Variants in KALRN observed in about 807,000 individuals in gnomAD.
KALRN encodes the protein kalirin RhoGEF kinase, also known as kalirin.
In KALRN, 70 loss-of-function variants were observed where a neutral mutation model predicts 353.7. The observed-to-expected ratio is 0.20, with a 90% CI of 0.16 to 0.24. The LOEUF (loss-of-function observed/expected upper bound fraction) is 0.24. KALRN is among the 10% of genes least tolerant of loss of function. KALRN has a pLI of 1.00. For synonymous variants in KALRN, 1,391 were observed against 1,434.8 expected (o/e 0.97, Z 0.69); for missense variants, 2,791 against 3,756.7 (o/e 0.74, Z 6.72).
At chr3:124,069,339 AGGAGG>A (rs1395146206) in intron 1 of KALRN, among the ~76,000 whole-genome samples, 7 of 126,702 alleles carry the variant, frequency 5.5e-5, no homozygotes, top group Middle Eastern at 4.1e-3. Context: ...GAGGAGGAGG[AGGAGG>A]AGGAGGAGGA....
intron 51 of KALRN, among the ~76,000 whole-genome samples, chr3:124,690,855 A>C (rs1035872033): frequency 6.6e-6 from 1 of 152,238 alleles, no homozygotes; most frequent in African/African-American, 2.4e-5. Flanking sequence ...ATGCCCAAAC[A>C]AAAGCAAATA....
At chr3:124,445,111 C>G (rs1261875507) in intron 19 of KALRN, among the ~76,000 whole-genome samples, 1 of 152,156 alleles carries the variant, frequency 6.6e-6, no homozygotes, top group African/African-American at 2.4e-5. Context: ...TCTGCCCTTT[C>G]CTATCTGAAC....
intron 1 of KALRN, among the ~76,000 whole-genome samples, chr3:124,078,489 G>A (rs1482245475): frequency 6.6e-6 from 1 of 152,158 alleles, no homozygotes; most frequent in Non-Finnish European, 1.5e-5. Context: ...GGGGAAACAG[G>A]CTGGTAGAGT....
intron 34 of KALRN, among the ~76,000 whole-genome samples, chr3:124,607,002 G>T (rs997471175): frequency 4.6e-5 from 7 of 152,004 alleles, no homozygotes; most frequent in African/African-American, 1.7e-4. Flanking sequence ...CTTTCTTCAG[G>T]GCCATTTGGC....
chr3:124,091,243 C>T (rs2061101376), intron 1 of KALRN, among the ~76,000 whole-genome samples: 1 of 152,174 alleles, frequency 6.6e-6, no homozygotes, highest in Non-Finnish European at 1.5e-5. Flanking sequence ...CTTGTTGGGG[C>T]AGGGTGAGGG....
intron 15 of KALRN, 121 bp from the exon 16 acceptor site, chr3:124,430,535 C>T: frequency 8.4e-7 from 1 of 1,186,868 alleles, no homozygotes; most frequent in Non-Finnish European, 1.2e-6. Flanking sequence ...ATTTGCTGTC[C>T]TCTCTCCAAC....
Position 124,700,386 on chromosome 3 carries a change from C to T in KALRN, c.7996+353C>T, listed in dbSNP as rs1301869387. On this transcript the variant is annotated intron_variant, in intron 56 of 59. Transcript: ENST00000682506. ...ACCCCTGCCAGCCGTAAATGTACCT[C>T]CCTGCATGAGGGACTCACCCACTTC... Among the ~76,000 whole-genome samples, 8 of 152,136 alleles carry T rather than the reference C, an allele frequency of 5.3e-5. 1 individual carries two copies. The highest frequency in any genetic ancestry group is 4.6e-4 in the Admixed American group (7 of 15,274).
intron 1 of KALRN, among the ~76,000 whole-genome samples, chr3:124,188,849 A>C (rs572673872): frequency 5.3e-4 from 81 of 152,292 alleles, no homozygotes; most frequent in African/African-American, 1.9e-3. Flanking sequence ...TTGTATTCGT[A>C]CTTCTTACCC....
intron 1 of KALRN, among the ~76,000 whole-genome samples, chr3:124,066,112 A>C (rs1323963489): frequency 6.6e-6 from 1 of 152,142 alleles, no homozygotes; most frequent in Non-Finnish European, 1.5e-5. Flanking sequence ...AGAGATATTG[A>C]GTCATCAGGC....
At chr3:124,119,160 A>G (rs1578256923) in intron 1 of KALRN, among the ~76,000 whole-genome samples, 1 of 152,160 alleles carries the variant, frequency 6.6e-6, no homozygotes, top group East Asian at 1.9e-4. Flanking sequence ...GCGAGAGGCA[A>G]CAGGGAGTGG....
At chr3:124,652,645 C>A (rs1233452464) in intron 38 of KALRN, among the ~76,000 whole-genome samples, 5 of 152,072 alleles carry the variant, frequency 3.3e-5, no homozygotes, top group Admixed American at 2.0e-4. Flanking sequence ...GGCACTATCT[C>A]GGCTCACTGC....
intron 3 of KALRN, among the ~76,000 whole-genome samples, chr3:124,263,116 C>A (rs1340242177): frequency 1.3e-5 from 2 of 152,090 alleles, no homozygotes; most frequent in Non-Finnish European, 2.9e-5. Context: ...GAGTTATAGT[C>A]AAAGTTCAAA....
At chr3:124,211,535 T>C (rs2076894873) in intron 1 of KALRN, among the ~76,000 whole-genome samples, 2 of 152,188 alleles carry the variant, frequency 1.3e-5, no homozygotes, top group South Asian at 4.1e-4. Flanking sequence ...TCAGTGGCCC[T>C]ATGGTGGGCT....
intron 37 of KALRN, among the ~76,000 whole-genome samples, chr3:124,644,178 G>A (rs1185916786): frequency 6.6e-6 from 1 of 150,542 alleles, no homozygotes. Context: ...TTCTATCCGT[G>A]TATATTTTTG....
At chr3:124,465,826 G>A (rs2060279397) in intron 25 of KALRN, among the ~76,000 whole-genome samples, 1 of 152,204 alleles carries the variant, frequency 6.6e-6, no homozygotes. Context: ...GGGAGAGCAG[G>A]AGGAAGGAAT....
At chr3:124,079,067 A>G (rs1448098135) in intron 1 of KALRN, among the ~76,000 whole-genome samples, 1 of 152,210 alleles carries the variant, frequency 6.6e-6, no homozygotes, top group Non-Finnish European at 1.5e-5. Flanking sequence ...CTGTGTGGAT[A>G]CAGAGCAGGA....
chr3:124,296,757 A>C (rs905077085), intron 5 of KALRN, among the ~76,000 whole-genome samples: 2 of 152,138 alleles, frequency 1.3e-5, no homozygotes, highest in African/African-American at 4.8e-5. Flanking sequence ...AGGACCCTTC[A>C]TTGCCCTCGA....
chr3:124,608,518 C>G (rs140137203), intron 34 of KALRN, among the ~76,000 whole-genome samples: 1 of 152,240 alleles, frequency 6.6e-6, no homozygotes, highest in East Asian at 1.9e-4. Context: ...GGAGAACTTA[C>G]AGCATCCTGT....
chr3:124,636,907 T>C (rs2081408542), intron 36 of KALRN, among the ~76,000 whole-genome samples: 1 of 152,126 alleles, frequency 6.6e-6, no homozygotes, highest in Non-Finnish European at 1.5e-5. Context: ...TGTCAGTAGG[T>C]ACAACACTAG....
Sources: allele counts gnomAD v4.1 joint callset (sites outside exome capture counted in the v4.1 genomes callset), GRCh38; gene constraint gnomAD v4.1.1; transcripts MANE v1.5; gene names NCBI Gene and HGNC (gene_info 2026-07-23, HGNC 2026-07-21).